NAALADL2: variants seen among roughly 807,000 people sequenced by gnomAD.
The protein encoded by NAALADL2 is inactive N-acetylated-alpha-linked acidic dipeptidase-like protein 2.
In NAALADL2, 76 loss-of-function variants were observed where a neutral mutation model predicts 87.2. The ratio of observed to expected loss-of-function variants is 0.87; its 90% CI spans 0.72 to 1.05. The LOEUF is 1.05. Among genes scored for constraint, NAALADL2 ranks in the 50% least tolerant of loss-of-function variants. The pLI is 0.00. For missense variants in NAALADL2, 1,089 were observed against 945.8 expected, an observed-to-expected ratio of 1.15 and a Z score of -1.99; for synonymous variants, 354 against 331.0, an observed-to-expected ratio of 1.07 and a Z score of -0.75.
chr3:175,238,312 G>A (rs949954944), intron 3 of NAALADL2, among the ~76,000 whole-genome samples: 4 of 151,996 alleles, frequency 2.6e-5, no homozygotes, highest in Non-Finnish European at 5.9e-5. Flanking sequence ...AAATGCAGCT[G>A]TTAAAAGGGA....
intron 1 of NAALADL2, among the ~76,000 whole-genome samples, chr3:175,070,938 C>A (rs537207179): frequency 1.3e-5 from 2 of 152,104 alleles, no homozygotes; most frequent in African/African-American, 2.4e-5. Flanking sequence ...GCTCTAGACC[C>A]TTTTTAAGAC....
At chr3:175,692,394 G>A (rs1737169600) in intron 11 of NAALADL2, among the ~76,000 whole-genome samples, 1 of 152,070 alleles carries the variant, frequency 6.6e-6, no homozygotes, top group African/African-American at 2.4e-5. Flanking sequence ...ATTCTGTAGT[G>A]GACATTGTGG....
intron 1 of NAALADL2, among the ~76,000 whole-genome samples, chr3:174,910,233 A>G (rs1000177523): frequency 6.6e-6 from 1 of 152,060 alleles, no homozygotes; most frequent in Non-Finnish European, 1.5e-5. Context: ...TAAAGTAAAC[A>G]TTACCCATAA....
At chr3:175,694,907 A>G (rs1413983891) in intron 11 of NAALADL2, among the ~76,000 whole-genome samples, 1 of 152,116 alleles carries the variant, frequency 6.6e-6, no homozygotes, top group Non-Finnish European at 1.5e-5. Flanking sequence ...TGTACCAGTG[A>G]AGGTTTTGGG....
At chr3:175,495,338 A>C (rs1420148685) in intron 9 of NAALADL2, among the ~76,000 whole-genome samples, 1 of 152,060 alleles carries the variant, frequency 6.6e-6, no homozygotes, top group Non-Finnish European at 1.5e-5. Flanking sequence ...GGCTCACTCC[A>C]TCCTGCACTA....
chr3:175,238,470 G>A (rs2109560423), intron 3 of NAALADL2, among the ~76,000 whole-genome samples: 1 of 152,106 alleles, frequency 6.6e-6, no homozygotes, highest in East Asian at 1.9e-4. Context: ...AATTAATTAT[G>A]CAAATTAGAT....
rs573243002 is a variant in NAALADL2 at position 175,654,907 on chromosome 3, G to C, written c.1896+27521G>C. Among the ~76,000 whole-genome samples the C allele has an allele frequency of 2.0e-5, 3 of 151,800 alleles. No individual in the cohort carries two copies. In the South Asian group the frequency reaches 6.2e-4, roughly 32 times the overall value. On this transcript the variant is annotated intron_variant, in intron 11 of 13. Transcript: ENST00000454872. ...TTTCTGATATTGCATTACGTAGAAT[G>C]AAAGTACAGAAAAGTGCAAGATATC...
intron 3 of NAALADL2, among the ~76,000 whole-genome samples, chr3:174,847,999 T>C (rs1724824898): frequency 6.8e-6 from 1 of 147,490 alleles, no homozygotes; most frequent in African/African-American, 2.5e-5. Flanking sequence ...TCTAACTCTT[T>C]TCTCTCTCTT....
intron 5 of NAALADL2, among the ~76,000 whole-genome samples, chr3:175,340,205 G>T (rs1480161670): frequency 6.6e-6 from 1 of 152,128 alleles, no homozygotes; most frequent in East Asian, 1.9e-4. Flanking sequence ...CTCTTGTTAA[G>T]TATAAGGAAT....
intron 1 of NAALADL2, among the ~76,000 whole-genome samples, chr3:174,549,949 T>C (rs1243862008): frequency 6.6e-6 from 1 of 152,024 alleles, no homozygotes; most frequent in Non-Finnish European, 1.5e-5. Context: ...TGGGTCTAAA[T>C]TGTGAAAATA....
intron 12 of NAALADL2, among the ~76,000 whole-genome samples, chr3:175,745,744 T>C (rs1247465995): frequency 6.6e-6 from 1 of 152,068 alleles, no homozygotes; most frequent in East Asian, 1.9e-4. Context: ...CAAAAACAAA[T>C]AAAATACAAC....
rs755761688 is a variant in NAALADL2 at position 175,097,140 on chromosome 3, G to A, written c.394G>A (p.Ala132Thr). 21 of 1,613,616 alleles carry A rather than the reference G, an allele frequency of 1.3e-5. No individual in the cohort carries two copies. The highest frequency in any genetic ancestry group is 3.3e-5 in the Admixed American group (2 of 59,974). ...FCHVLKILCT[A>T]TILFIFGILI... The stretch of plus-strand genomic sequence containing the variant: ...CCACGTCTTAAAAATACTTTGCACA[G>A]CCACCATTTTATTTATTTTTGGGAT... Residue 132 changes from alanine to threonine, a missense_variant, in exon 2 of 14, where the codon GCC becomes ACC. Ala to Thr is a moderately conservative substitution (Grantham distance 58). Transcript: ENST00000454872.
At chr3:175,018,342 G>A (rs190621983) in intron 1 of NAALADL2, among the ~76,000 whole-genome samples, 4 of 152,048 alleles carry the variant, frequency 2.6e-5, no homozygotes, top group East Asian at 3.9e-4. Context: ...AGGTGCCAGG[G>A]CATTTTTTTC....
chr3:175,608,815 T>C (rs971596954), intron 10 of NAALADL2, among the ~76,000 whole-genome samples: 3 of 152,184 alleles, frequency 2.0e-5, no homozygotes, highest in African/African-American at 7.2e-5. Context: ...GGTATCATAA[T>C]TGAAATTGCA....
intron 10 of NAALADL2, among the ~76,000 whole-genome samples, chr3:175,621,817 T>C (rs919910466): frequency 1.3e-5 from 2 of 152,170 alleles, no homozygotes; most frequent in South Asian, 2.1e-4. Context: ...TGAGCATCTG[T>C]TTTGGTGCCC....
At chr3:175,696,459 A>T (rs972439584) in intron 11 of NAALADL2, among the ~76,000 whole-genome samples, 2 of 152,094 alleles carry the variant, frequency 1.3e-5, no homozygotes, top group African/African-American at 4.8e-5. Flanking sequence ...AGATGTAGGG[A>T]ACAACTGAGA....
intron 2 of NAALADL2, among the ~76,000 whole-genome samples, chr3:175,136,801 C>T (rs188130593): frequency 9.2e-5 from 14 of 152,076 alleles, no homozygotes; most frequent in East Asian, 7.8e-4. Context: ...CCATCTTTGA[C>T]GGTTAAGAGG....
intron 2 of NAALADL2, among the ~76,000 whole-genome samples, chr3:175,197,694 A>G (rs1186728513): frequency 6.6e-6 from 1 of 152,092 alleles, no homozygotes; most frequent in Admixed American, 6.6e-5. Context: ...TATCAACATC[A>G]GAAACATAGA....
chr3:175,260,451 A>G (rs984099189), intron 4 of NAALADL2, among the ~76,000 whole-genome samples: 1 of 152,162 alleles, frequency 6.6e-6, no homozygotes, highest in East Asian at 1.9e-4. Context: ...ATCTTTCAAT[A>G]TACATTCCAT....
Sources: allele counts gnomAD v4.1 joint callset (sites outside exome capture counted in the v4.1 genomes callset), GRCh38; gene constraint gnomAD v4.1.1; transcripts MANE v1.5; gene names NCBI Gene and HGNC (gene_info 2026-07-23, HGNC 2026-07-21).